Variants in HEATR5B observed in about 807,000 individuals in gnomAD.
HEATR5B encodes the protein HEAT repeat containing 5B.
Under a neutral mutation model 224.1 loss-of-function variants are expected in HEATR5B, and 156 were observed. The ratio of observed to expected loss-of-function variants is 0.70; its 90% CI spans 0.61 to 0.80. The LOEUF (loss-of-function observed/expected upper bound fraction) is 0.80, where lower values mean the gene tolerates loss of function less well. HEATR5B is among the 30% of genes least tolerant of loss of function. The probability of loss-of-function intolerance (pLI) is 0.00; values close to 1 mark genes in which losing one functional copy is unlikely to be tolerated. For synonymous variants in HEATR5B, 1,027 were observed against 893.0 expected (o/e 1.15, Z -2.68); for missense variants, 2,323 against 2,535.5 (o/e 0.92, Z 1.80).
chr2:37,074,248 G>A (rs529003827), intron 5 of HEATR5B, among the ~76,000 whole-genome samples: 9 of 151,574 alleles, frequency 5.9e-5, no homozygotes, highest in Admixed American at 1.3e-4. Context: ...GTGTGAACCC[G>A]GGAGGCGGAG....
At chr2:37,075,411 AAG>A (rs1243677330) in intron 5 of HEATR5B, 72 bp downstream of exon 5, 31 of 1,081,208 alleles carry the variant, frequency 2.9e-5, no homozygotes, top group Non-Finnish European at 3.6e-5. Context: ...AAAATTTTAA[AAG>A]AAAAAAAAAT....
At chr2:37,069,871 C>G (rs981658643) in intron 7 of HEATR5B, among the ~76,000 whole-genome samples, 1 of 150,340 alleles carries the variant, frequency 6.7e-6, no homozygotes, top group Non-Finnish European at 1.5e-5. Context: ...CAGTTTTCCA[C>G]GAAGTTTCAC....
At chr2:37,004,477 A>C (rs144004763) in intron 30 of HEATR5B, among the ~76,000 whole-genome samples, 2 of 151,380 alleles carry the variant, frequency 1.3e-5, no homozygotes, top group Admixed American at 6.6e-5. Context: ...AGATCCTTTT[A>C]TCTACCCTAT....
In HEATR5B at chr2:37,060,623, T is replaced by C. The variant is rs141188571; in HGVS notation, c.1807A>G (p.Thr603Ala). The C allele has an allele frequency of 3.6e-4, 577 of 1,613,922 alleles. 2 individuals are homozygous for C. Among genetic ancestry groups the C allele is most frequent in the Admixed American group, 8.7e-4 (52 of 59,996 alleles). The change falls in exon 12 of 36, where the codon ACC (threonine) becomes GCC (alanine). Residue 603 changes from threonine (T) to alanine (A), a missense_variant. By Grantham distance (58) the Thr-to-Ala change is moderately conservative. Coordinates refer to ENST00000233099, the MANE Select transcript of HEATR5B (RefSeq NM_019024.3). Reference protein sequence around the residue: ...EAEKARGDSFTWQVTLEGRAG... With the variant: ...EAEKARGDSFAWQVTLEGRAG... ...CGACCTTCCAAAGTTACCTGCCAGG[T>C]AAAAGAATCGCCTCGGGCCTTCTCA...
chr2:36,982,662 A>C (rs539999233), intron 35 of HEATR5B, among the ~76,000 whole-genome samples: 2 of 152,082 alleles, frequency 1.3e-5, no homozygotes, highest in Non-Finnish European at 2.9e-5. Context: ...CAGTGATAAT[A>C]ATCAGTGAAG....
chr2:37,082,063 T>TG (rs1321934911), intron 2 of HEATR5B, among the ~76,000 whole-genome samples: 1 of 67,386 alleles, frequency 1.5e-5, no homozygotes, highest in African/African-American at 5.0e-5. Flanking sequence ...TTTTTTTTTT[T>TG]TTTTTTTTTT....
intron 17 of HEATR5B, among the ~76,000 whole-genome samples, chr2:37,051,050 A>G (rs1283613499): frequency 1.3e-5 from 2 of 151,314 alleles, no homozygotes; most frequent in Admixed American, 1.3e-4. Flanking sequence ...GTCTCCAAAA[A>G]AAATAAATAA....
At chr2:37,065,284 CTTTA>C (rs1558367552) in intron 9 of HEATR5B, among the ~76,000 whole-genome samples, 1 of 151,798 alleles carries the variant, frequency 6.6e-6, no homozygotes. Context: ...TGTTCCAAAA[CTTTA>C]TTTAACCATT....
intron 33 of HEATR5B, among the ~76,000 whole-genome samples, chr2:36,996,205 C>T (rs571677959): frequency 1.1e-4 from 17 of 151,910 alleles, no homozygotes; most frequent in African/African-American, 1.9e-4. Flanking sequence ...GGATTATAGG[C>T]GCCTGCCACC....
chr2:37,005,631 C>T lies in HEATR5B; in HGVS notation c.4905+1G>A. 1 of 1,613,022 alleles carries T rather than the reference C, an allele frequency of 6.2e-7. No individual in the cohort carries two copies. The highest frequency in any genetic ancestry group is 8.5e-7 in the Non-Finnish European group (1 of 1,179,292). On this transcript the variant is annotated splice_donor_variant, in intron 30 of 35. Transcript: ENST00000233099. LOFTEE classifies it high-confidence loss of function. ...GTATCTATCATAGCAATACACTGTA[C>T]CTGATCTTCTGCAATATGGACTCGA... is the stretch of plus-strand genomic sequence containing the variant.
At chr2:37,039,204 C>T (rs888144976) in intron 20 of HEATR5B, among the ~76,000 whole-genome samples, 6 of 150,982 alleles carry the variant, frequency 4.0e-5, no homozygotes, top group East Asian at 2.0e-4. Flanking sequence ...TGGTGGCTCA[C>T]GCCTGTAATC....
chr2:37,044,186 G>A (rs1010221309), intron 18 of HEATR5B, among the ~76,000 whole-genome samples: 13 of 152,110 alleles, frequency 8.5e-5, no homozygotes, highest in African/African-American at 2.9e-4. Flanking sequence ...CTCAATAGTC[G>A]TATGTGGGTA....
intron 3 of HEATR5B, among the ~76,000 whole-genome samples, chr2:37,078,138 C>T (rs1456651174): frequency 6.6e-6 from 1 of 152,126 alleles, no homozygotes; most frequent in Admixed American, 6.5e-5. Context: ...GGCAGGTGGT[C>T]TACCATGAGG....
rs541110155 is a variant in HEATR5B, at chr2:37,068,995, G to A, written c.928-65C>T. The A allele has an allele frequency of 2.0e-3, 2,929 of 1,474,992 alleles. 9 individuals are homozygous for A. Among genetic ancestry groups the A allele is most frequent in the Non-Finnish European group, 2.5e-3 (2,680 of 1,085,708 alleles). 91.4% of individuals were successfully genotyped at this position (1,474,992 alleles called of 1,614,324 possible). On this transcript the variant is annotated intron_variant, in intron 7 of 35. Transcript: ENST00000233099. Reference sequence around the variant, plus strand: ...TAACTGAACAGAAATCAAAGATAAAGCAACTACTAAAATAACTGATAACAG... The same window carrying A: ...TAACTGAACAGAAATCAAAGATAAAACAACTACTAAAATAACTGATAACAG...
chr2:37,005,187 C>T (rs1123648), intron 30 of HEATR5B, among the ~76,000 whole-genome samples: 27,330 of 152,076 alleles, frequency 0.18, 3,154 homozygotes, highest in East Asian at 0.52. Context: ...GCCGTGTTCT[C>T]TCATGCCTCC....
intron 24 of HEATR5B, among the ~76,000 whole-genome samples, chr2:37,024,809 T>C (rs1668669144): frequency 6.6e-6 from 1 of 152,172 alleles, no homozygotes. Flanking sequence ...TAGGTAATTG[T>C]TTCTGGAACG....
At chr2:36,988,939 A>C (rs1666133758) in intron 34 of HEATR5B, 80 bp from the exon 35 acceptor site, 1 of 1,045,548 alleles carries the variant, frequency 9.6e-7, no homozygotes, top group Non-Finnish European at 1.4e-6. Context: ...CTTACTATGT[A>C]CTGAAAATAA....
rs779193313 is a variant in HEATR5B at position 36,988,637 on chromosome 2, T to C, written c.5911+9A>G. ...CTGAACTAGTAGCTTTTTATAAGAA[T>C]ATACTTACTGTTTTGTTCTTCACCA... On this transcript the variant is annotated intron_variant, in intron 35 of 35. Coordinates refer to ENST00000233099, the MANE Select transcript of HEATR5B (RefSeq NM_019024.3). 1.9e-6 allele frequency: 3 copies of C among 1,597,026 alleles called. No individual in the cohort carries two copies. Among genetic ancestry groups the C allele is most frequent in the Non-Finnish European group, 2.6e-6 (3 of 1,165,050 alleles).
chr2:37,006,958 T>C, intron 29 of HEATR5B, 92 bp downstream of exon 29: 2 of 1,240,744 alleles, frequency 1.6e-6, no homozygotes, highest in Non-Finnish European at 2.3e-6. Flanking sequence ...TGAACTGTGC[T>C]ATACTGTACA....
Sources: gnomAD v4.1 joint callset for allele counts (sites outside exome capture counted in the v4.1 genomes callset) on GRCh38, gnomAD v4.1.1 for gene constraint, MANE v1.5 for transcripts, NCBI Gene and HGNC (gene_info 2026-07-23, HGNC 2026-07-21) for gene names.